NAV1: variants seen among roughly 807,000 people sequenced by gnomAD.
The protein encoded by NAV1 is pore membrane and/or filament interacting like protein 3.
In NAV1, 18 loss-of-function variants were observed where a neutral mutation model predicts 175.2. The observed-to-expected ratio is 0.10, with a 90% CI of 0.07 to 0.15. The LOEUF (loss-of-function observed/expected upper bound fraction) is 0.15. NAV1 is among the 10% of genes least tolerant of loss of function. The probability of loss-of-function intolerance (pLI) is 1.00; values close to 1 mark genes in which losing one functional copy is unlikely to be tolerated. For missense variants in NAV1, 1,731 were observed against 2,436.6 expected (o/e 0.71, Z 6.10); for synonymous variants, 897 against 978.7 (o/e 0.92, Z 1.56).
intron 1 of NAV1, among the ~76,000 whole-genome samples, chr1:201,650,625 G>T (rs1196782337): frequency 6.6e-6 from 1 of 152,244 alleles, no homozygotes; most frequent in Non-Finnish European, 1.5e-5. Context: ...TCGCCGGGCG[G>T]CCCTGGAGAA....
chr1:201,717,063 G>A lies in NAV1; in HGVS notation c.861-1327G>A, dbSNP rs372904588. On this transcript the variant is annotated intron_variant, in intron 2 of 29. Transcript: ENST00000367296. ...CCCCAGCACACTCAGTTTCAAGAGC[G>A]TTTGGATCCCTCAAGTTCTGCTGGT... Among the ~76,000 whole-genome samples, 12 of 152,308 alleles carry A rather than the reference G, an allele frequency of 7.9e-5. No individual in the cohort carries two copies. The East Asian group carries it at 1.2e-3, about 15-fold the overall frequency.
At chr1:201,554,622 G>C (rs553325585) in intron 1 of NAV1, among the ~76,000 whole-genome samples, 1 of 152,344 alleles carries the variant, frequency 6.6e-6, no homozygotes, top group African/African-American at 2.4e-5. Context: ...ACACAACAGA[G>C]AGCAGAATCC....
intron 28 of NAV1, 78 bp from the exon 33 acceptor site, chr1:201,817,010 G>A (rs1350537946): frequency 1.5e-6 from 2 of 1,361,658 alleles, no homozygotes; most frequent in Non-Finnish European, 2.0e-6. Context: ...ATTTTTTGTA[G>A]GAACTACCAA....
intron 1 of NAV1, among the ~76,000 whole-genome samples, chr1:201,586,759 G>A (rs1166326127): frequency 6.6e-6 from 1 of 152,102 alleles, no homozygotes; most frequent in African/African-American, 2.4e-5. Flanking sequence ...CCACTGATAT[G>A]ATCTCATTTA....
exon 1 of NAV1, chr1:201,623,343 C>T (rs1038978637): frequency 9.1e-6 from 9 of 985,814 alleles, no homozygotes; most frequent in African/African-American, 1.7e-5. Flanking sequence ...CGAGCTTTCA[C>T]GGAGAAACTC....
At chr1:201,674,747 C>T (rs963452636) in intron 1 of NAV1, among the ~76,000 whole-genome samples, 3 of 152,022 alleles carry the variant, frequency 2.0e-5, no homozygotes, top group Admixed American at 6.6e-5. Flanking sequence ...CCAGATCTCA[C>T]GAAAACTGGC....
intron 1 of NAV1, among the ~76,000 whole-genome samples, chr1:201,660,714 C>T (rs1035211371): frequency 2.6e-5 from 4 of 152,246 alleles, no homozygotes; most frequent in African/African-American, 7.2e-5. Context: ...GCTGTGCTAG[C>T]GCTTTGTTTG....
chr1:201,785,405 G>A, intron 8 of NAV1, 54 bp downstream of exon 12: 1 of 1,552,966 alleles, frequency 6.4e-7, no homozygotes, highest in Non-Finnish European at 8.8e-7. Flanking sequence ...TGGTATGTAT[G>A]AAAAATCATA....
Position 201,803,791 on chromosome 1 carries a change from C to T in NAV1, c.3639+77C>T, listed in dbSNP as rs955170898. 3.2e-6 allele frequency: 5 copies of T among 1,546,084 alleles called. No homozygotes were observed. In the African/African-American group the frequency reaches 5.4e-5, roughly 17 times the overall value. ...TTCACCTCAGCATAGGGATCGAATC[C>T]TTCCAGGATTAACCAAGGTGTAGTC... On this transcript the variant is annotated intron_variant, in intron 16 of 29. Transcript: ENST00000367296.
chr1:201,817,420 C>T (rs897657481), intron 29 of NAV1, 135 bp downstream of exon 33: 1 of 736,696 alleles, frequency 1.4e-6, no homozygotes, highest in Non-Finnish European at 2.2e-6. Context: ...CAAAACCAGC[C>T]TGGGCAACAT....
intron 3 of NAV1, among the ~76,000 whole-genome samples, chr1:201,761,546 C>T (rs1007365801): frequency 2.0e-5 from 3 of 152,168 alleles, no homozygotes; most frequent in African/African-American, 7.2e-5. Context: ...ACAGGGTGAT[C>T]TGAGATCTGA....
At chr1:201,541,849 C>A (rs61819686) in intron 1 of NAV1, among the ~76,000 whole-genome samples, 1 of 152,106 alleles carries the variant, frequency 6.6e-6, no homozygotes, top group African/African-American at 2.4e-5. Context: ...CCTCTGGTAT[C>A]AACTCAGTTT....
chr1:201,742,893 G>A (rs1328468189), intron 3 of NAV1, among the ~76,000 whole-genome samples: 1 of 152,140 alleles, frequency 6.6e-6, no homozygotes, highest in African/African-American at 2.4e-5. Context: ...GAGCTTGGGA[G>A]GAATGAGGGA....
intron 29 of NAV1, 141 bp from the exon 34 acceptor site, chr1:201,819,696 G>A (rs1289920493): frequency 1.5e-6 from 1 of 662,886 alleles, no homozygotes. Flanking sequence ...TGTTTTCAAA[G>A]CTGATTGCAA....
At chr1:201,796,492 A>G (rs1274350384) in intron 15 of NAV1, 1 of 151,880 alleles carries the variant, frequency 6.6e-6, no homozygotes, top group Non-Finnish European at 1.5e-5. Context: ...CCAGCTAATT[A>G]TTTGTTTGCA....
intron 14 of NAV1, 42 bp from the exon 19 acceptor site, chr1:201,794,424 A>C: frequency 4.5e-6 from 7 of 1,569,570 alleles, no homozygotes; most frequent in Non-Finnish European, 6.1e-6. Flanking sequence ...TATAGGTGTG[A>C]GCCACCGTGC....
chr1:201,547,929 G>A (rs57540805), intron 1 of NAV1, among the ~76,000 whole-genome samples: 3,401 of 152,206 alleles, frequency 0.022, 122 homozygotes, highest in African/African-American at 0.077. Flanking sequence ...GGGTAGCTGG[G>A]ATTACGGGCA....
At chr1:201,686,557 C>T (rs1295099673) in intron 1 of NAV1, among the ~76,000 whole-genome samples, 1 of 152,214 alleles carries the variant, frequency 6.6e-6, no homozygotes, top group African/African-American at 2.4e-5. Flanking sequence ...TAGTGTGTCC[C>T]AGACATTTCC....
chr1:201,759,002 A>G (rs895032383), intron 3 of NAV1, among the ~76,000 whole-genome samples: 12 of 152,234 alleles, frequency 7.9e-5, no homozygotes, highest in Admixed American at 1.3e-4. Flanking sequence ...TGGAATTAAT[A>G]TGAAGCTTTA....
Sources: gnomAD v4.1 joint callset for allele counts (sites outside exome capture counted in the v4.1 genomes callset) on GRCh38, gnomAD v4.1.1 for gene constraint, MANE v1.5 for transcripts, NCBI Gene and HGNC (gene_info 2026-07-23, HGNC 2026-07-21) for gene names.